ITGB6: variants seen among roughly 807,000 people sequenced by gnomAD.
ITGB6 encodes the protein integrin beta-6.
Under a neutral mutation model 84.5 loss-of-function variants are expected in ITGB6, and 80 were observed. The ratio of observed to expected loss-of-function variants is 0.95; its 90% confidence interval spans 0.79 to 1.14. The LOEUF (loss-of-function observed/expected upper bound fraction) is 1.14, where lower values mean the gene tolerates loss of function less well. ITGB6 is among the 50% of genes most tolerant of loss of function. ITGB6 has a pLI of 0.00. For missense variants in ITGB6, 1,006 were observed against 968.0 expected (o/e 1.04, Z -0.52); for synonymous variants, 383 against 354.9 (o/e 1.08, Z -0.89).
intron 11 of ITGB6, 91 bp from the exon 12 acceptor site, chr2:160,123,979 G>T (rs1683141437): frequency 1.2e-6 from 1 of 865,424 alleles, no homozygotes; most frequent in Admixed American, 2.0e-5. Context: ...GTTGCAATTT[G>T]TGCTATAGGA....
At chr2:160,151,429 G>A (rs1178048093) in intron 7 of ITGB6, among the ~76,000 whole-genome samples, 2 of 152,126 alleles carry the variant, frequency 1.3e-5, no homozygotes, top group African/African-American at 4.8e-5. Flanking sequence ...CAGAATCTCT[G>A]GGACACATTC....
At chr2:160,131,032 T>C (rs1167496136) in intron 10 of ITGB6, among the ~76,000 whole-genome samples, 2 of 152,074 alleles carry the variant, frequency 1.3e-5, no homozygotes, top group African/African-American at 4.8e-5. Context: ...CTAATTGATA[T>C]CCTCAAACAA....
At chr2:160,111,939 A>T in intron 13 of ITGB6, 141 bp downstream of exon 13, 1 of 833,504 alleles carries the variant, frequency 1.2e-6, no homozygotes, top group Non-Finnish European at 1.9e-6. Context: ...GGCATCTTTC[A>T]ATCCTTGGGA....
Position 160,137,519 on chromosome 2 carries a change from G to A in ITGB6, c.1575C>T (p.His525=). 2 of 1,614,192 alleles carry A rather than the reference G, an allele frequency of 1.2e-6. No individual in the cohort carries two copies. Among genetic ancestry groups the A allele is most frequent in the South Asian group, 2.2e-5 (2 of 91,086 alleles). ...CATAAATGTTTCCATAGGGAGACAAGTGGCAGATACACTGCCCACAGTAGC... is the reference window on the plus strand; with the variant it reads ...CATAAATGTTTCCATAGGGAGACAAATGGCAGATACACTGCCCACAGTAGC... ...GDCYCGQCIC[H]LSPYGNIYGP... Residue 525 remains histidine (H), a synonymous_variant, in exon 10 of 15, where the codon CAC becomes CAT. Transcript: ENST00000283249.
At chr2:160,144,004 G>A (rs539100317) in intron 7 of ITGB6, among the ~76,000 whole-genome samples, 1 of 152,256 alleles carries the variant, frequency 6.6e-6, no homozygotes, top group Non-Finnish European at 1.5e-5. Flanking sequence ...GTTGAAGTTT[G>A]AAGTCAGTAG....
chr2:160,134,754 C>T (rs1574069819), intron 10 of ITGB6, among the ~76,000 whole-genome samples: 1 of 152,308 alleles, frequency 6.6e-6, no homozygotes, highest in East Asian at 1.9e-4. Context: ...ATTCAACATA[C>T]ACAAATCAAT....
intron 4 of ITGB6, among the ~76,000 whole-genome samples, chr2:160,190,636 C>G (rs1373079108): frequency 6.6e-6 from 1 of 152,108 alleles, no homozygotes; most frequent in Non-Finnish European, 1.5e-5. Context: ...AGTTGGAACT[C>G]AGTAAATTTT....
At chr2:160,148,982 G>T (rs1478808486) in intron 7 of ITGB6, among the ~76,000 whole-genome samples, 1 of 152,226 alleles carries the variant, frequency 6.6e-6, no homozygotes, top group Non-Finnish European at 1.5e-5. Context: ...CAGCTCAACA[G>T]GGCCTGCTGC....
intron 12 of ITGB6, among the ~76,000 whole-genome samples, chr2:160,116,064 T>C (rs1264186348): frequency 3.4e-5 from 5 of 146,778 alleles, no homozygotes; most frequent in Non-Finnish European, 4.5e-5. Context: ...ACGGGGAGAA[T>C]GGAACCAAGT....
rs180884896 is a variant in ITGB6 at position 160,143,116 on chromosome 2, C to A, written c.1018-1045G>T. ...CAGCCTGGCCAACATGGTGAAACCC[C>A]GTCTCTACTAAAAATACAAAAAGTA... On this transcript the variant is annotated intron_variant, in intron 7 of 14. Coordinates refer to ENST00000283249, the MANE Select transcript of ITGB6 (RefSeq NM_000888.5). Among the ~76,000 whole-genome samples, 4 of 152,116 alleles carry A rather than the reference C, an allele frequency of 2.6e-5. 1 individual carries two copies. The South Asian group carries it at 8.3e-4, about 32-fold the overall frequency.
chr2:160,143,161 C>A (rs1684064328), intron 7 of ITGB6, among the ~76,000 whole-genome samples: 1 of 152,072 alleles, frequency 6.6e-6, no homozygotes, highest in South Asian at 2.1e-4. Context: ...GGTGGCACGC[C>A]TGTAGTCCCA....
chr2:160,145,471 A>G (rs1019293366), intron 7 of ITGB6, among the ~76,000 whole-genome samples: 3 of 152,182 alleles, frequency 2.0e-5, no homozygotes, highest in Admixed American at 6.5e-5. Context: ...CAAAAAGATT[A>G]TGTATATATC....
intron 10 of ITGB6, among the ~76,000 whole-genome samples, chr2:160,135,259 T>C (rs1683657478): frequency 6.6e-6 from 1 of 152,050 alleles, no homozygotes; most frequent in Non-Finnish European, 1.5e-5. Flanking sequence ...TATACACTAA[T>C]AACAGACAAA....
At chr2:160,157,748 C>CAAAAAAAAAAAA (rs11364475) in intron 7 of ITGB6, among the ~76,000 whole-genome samples, 1 of 84,146 alleles carries the variant, frequency 1.2e-5, no homozygotes, top group Non-Finnish European at 2.2e-5. Context: ...AGCACAGAGG[C>CAAAAAAAAAAAA]AAAAAAAAAA....
intron 6 of ITGB6, among the ~76,000 whole-genome samples, chr2:160,171,336 T>A (rs567024185): frequency 8.3e-5 from 12 of 144,580 alleles, no homozygotes; most frequent in African/African-American, 3.1e-4. Flanking sequence ...TTTATTTTTT[T>A]ATTTTTTTTT....
intron 4 of ITGB6, among the ~76,000 whole-genome samples, chr2:160,188,730 A>G (rs1286462446): frequency 2.0e-5 from 3 of 151,720 alleles, no homozygotes; most frequent in African/African-American, 7.3e-5. Flanking sequence ...CAGCCTCCTG[A>G]GTAGCTGGGA....
chr2:160,191,367 A>T (rs911924045), intron 4 of ITGB6, among the ~76,000 whole-genome samples: 1 of 152,152 alleles, frequency 6.6e-6, no homozygotes, highest in East Asian at 1.9e-4. Flanking sequence ...TTTGTAGTTA[A>T]CTGTGGTCAT....
rs180916462 is a variant in ITGB6 at position 160,158,440 on chromosome 2, G to C, written c.1017+10772C>G. Among the ~76,000 whole-genome samples, 161 of 152,300 alleles carry C rather than the reference G, an allele frequency of 1.1e-3. 1 individual carries two copies. The highest frequency in any genetic ancestry group is 0.01 in the Admixed American group (160 of 15,296). ...GCACAGAGAGGCACTGGAGAATGGAGACTTAGAGAACAAAGAGGCTACATT... is the reference window on the plus strand; with the variant it reads ...GCACAGAGAGGCACTGGAGAATGGACACTTAGAGAACAAAGAGGCTACATT... On this transcript the variant is annotated intron_variant, in intron 7 of 14. Transcript: ENST00000283249.
At chr2:160,149,895 C>G (rs562733333) in intron 7 of ITGB6, among the ~76,000 whole-genome samples, 42 of 151,950 alleles carry the variant, frequency 2.8e-4, no homozygotes, top group Non-Finnish European at 5.6e-4. Flanking sequence ...AGTGAGAAAA[C>G]AAGGTTAGAG....
Sources: gnomAD v4.1 joint callset for allele counts (sites outside exome capture counted in the v4.1 genomes callset) on GRCh38, gnomAD v4.1.1 for gene constraint, MANE v1.5 for transcripts, NCBI Gene and HGNC (gene_info 2026-07-23, HGNC 2026-07-21) for gene names.